Variants in MOK observed in about 807,000 individuals in gnomAD.
MOK encodes the protein MOK protein kinase, also known as MAPK/MAK/MRK overlapping kinase.
MOK carries 59 observed loss-of-function variants against 54.2 expected under a neutral mutation model. That is an observed-to-expected ratio of 1.09 (90% confidence interval 0.88 to 1.35). The LOEUF (loss-of-function observed/expected upper bound fraction) is 1.35, where lower values mean the gene tolerates loss of function less well. Among genes scored for constraint, MOK ranks in the 40% most tolerant of loss-of-function variants. The pLI is 0.00. For missense variants in MOK, 517 were observed against 526.2 expected, an observed-to-expected ratio of 0.98 and a Z score of 0.17; for synonymous variants, 210 against 202.7, an observed-to-expected ratio of 1.04 and a Z score of -0.31.
intron 2 of MOK, among the ~76,000 whole-genome samples, chr14:102,273,777 A>G (rs970848141): frequency 1.8e-4 from 27 of 152,188 alleles, no homozygotes; most frequent in Middle Eastern, 6.8e-3. Flanking sequence ...ACAAGAGCAA[A>G]ACTCCGTCTC....
In MOK at chr14:102,251,696, G is replaced by A. The variant is rs1042924827; in HGVS notation, c.411+60C>T. 6.9e-5 allele frequency: 95 copies of A among 1,372,064 alleles called. No individual in the cohort carries two copies. In the South Asian group the frequency reaches 8.0e-4, roughly 12 times the overall value. The allele number at this position is 1,372,064 out of a possible 1,614,324, so 85.0% of individuals were successfully genotyped here. A position where few individuals can be genotyped will look rare whatever the true frequency, so the allele number is the denominator to read the frequency against. On this transcript the variant is annotated intron_variant, in intron 6 of 11. Coordinates refer to ENST00000361847, the MANE Select transcript of MOK (RefSeq NM_014226.3). ...CTCTGGTAGGAGGAGAAAACCTTTC[G>A]GGAAAGATTTTCTATTCAGCTTTTA...
chr14:102,301,551 A>AG (rs1361341547), intron 1 of MOK, among the ~76,000 whole-genome samples: 1 of 152,122 alleles, frequency 6.6e-6, no homozygotes, highest in African/African-American at 2.4e-5. Flanking sequence ...TCTGACCCCA[A>AG]GCTATGGATC....
intron 2 of MOK, among the ~76,000 whole-genome samples, chr14:102,280,013 CA>C (rs1304442746): frequency 1.3e-5 from 2 of 151,826 alleles, no homozygotes; most frequent in Non-Finnish European, 2.9e-5. Context: ...TCACATTCCT[CA>C]CACCACCCAC....
At chr14:102,286,960 C>G (rs1358338513) in intron 1 of MOK, among the ~76,000 whole-genome samples, 1 of 150,976 alleles carries the variant, frequency 6.6e-6, no homozygotes, top group Non-Finnish European at 1.5e-5. Context: ...TCCTTAAAAA[C>G]TATACACACA....
At chr14:102,281,761 C>T (rs1356447655) in intron 2 of MOK, among the ~76,000 whole-genome samples, 8 of 151,794 alleles carry the variant, frequency 5.3e-5, no homozygotes, top group Admixed American at 1.3e-4. Flanking sequence ...TCTTTAGATA[C>T]GGGATAATCA....
At chr14:102,221,433 G>A (rs1017484583), downstream of MOK, among the ~76,000 whole-genome samples, 8 of 152,190 alleles carry the variant, frequency 5.3e-5, no homozygotes, top group African/African-American at 1.7e-4. The surrounding 1 kb of genome is among the most constrained non-coding windows in gnomAD (Gnocchi z 4.8). Context: ...GACTGTCTGC[G>A]GCAGAAGTGG....
At chr14:102,261,406 AAAAAAAAAAAAAATATATAT>A (rs2067403897) in intron 4 of MOK, among the ~76,000 whole-genome samples, 3 of 78,428 alleles carry the variant, frequency 3.8e-5, no homozygotes, top group African/African-American at 1.6e-4. Context: ...AAAAAAAAAA[AAAAAAAAAAAAAATATATAT>A]ATATATATAT....
rs765084502 is a variant in MOK, at chr14:102,230,343, C to T, written c.982-686G>A. The T allele has an allele frequency of 1.3e-5, 2 of 152,082 alleles. No homozygotes were observed. The highest frequency in any genetic ancestry group is 2.9e-5 in the Non-Finnish European group (2 of 68,032). 9.4% of individuals were successfully genotyped at this position (152,082 alleles called of 1,614,324 possible). A position where few individuals can be genotyped will look rare whatever the true frequency, so the allele number is the denominator to read the frequency against. On this transcript the variant is annotated intron_variant, in intron 10 of 11. Coordinates refer to ENST00000361847, the MANE Select transcript of MOK (RefSeq NM_014226.3). This position sits in a 1 kb window ranked among gnomAD's most constrained non-coding sequence, Gnocchi z 4.1. ...TACAGGTGTGAGCCACCGCACCCACCTGGTTTTTATTTTTAATGACTGAAA... is the reference window on the plus strand; with the variant it reads ...TACAGGTGTGAGCCACCGCACCCACTTGGTTTTTATTTTTAATGACTGAAA...
At chr14:102,289,684 T>C (rs2070534558) in intron 1 of MOK, among the ~76,000 whole-genome samples, 1 of 151,958 alleles carries the variant, frequency 6.6e-6, no homozygotes, top group African/African-American at 2.4e-5. Context: ...GAGATGGGGT[T>C]TCACCATGTT....
chr14:102,238,993 C>T lies in MOK; in HGVS notation c.591-5204G>A, dbSNP rs2065462359. Among the ~76,000 whole-genome samples, 1 of 152,172 alleles carries T rather than the reference C, an allele frequency of 6.6e-6. No individual in the cohort carries two copies. Among genetic ancestry groups the T allele is most frequent in the Non-Finnish European group, 1.5e-5 (1 of 68,020 alleles). ...GACTACTTCTCACTCTTATAGACAT[C>T]TTCTCTGGGTGGGTGGAGGCATTTC... On this transcript the variant is annotated intron_variant, in intron 7 of 11. Coordinates refer to ENST00000361847, the MANE Select transcript of MOK (RefSeq NM_014226.3). The surrounding 1 kb of genome is among the most constrained non-coding windows in gnomAD (Gnocchi z 4.8).
At chr14:102,222,870 G>C (rs767184163), downstream of MOK, 1 of 1,614,222 alleles carries the variant, frequency 6.2e-7, no homozygotes, top group Non-Finnish European at 8.5e-7. This position sits in a 1 kb window ranked among gnomAD's most constrained non-coding sequence, Gnocchi z 4.4. Context: ...TCTCCAGGTG[G>C]AACTGTAGTG....
chr14:102,246,930 C>A (rs879424370), intron 7 of MOK, among the ~76,000 whole-genome samples: 50 of 152,166 alleles, frequency 3.3e-4, no homozygotes, highest in Non-Finnish European at 6.8e-4. Flanking sequence ...AGACTACTCT[C>A]AAAGCCACCA....
At chr14:102,285,474 A>C (rs932673358) in intron 1 of MOK, among the ~76,000 whole-genome samples, 2 of 152,224 alleles carry the variant, frequency 1.3e-5, no homozygotes, top group Non-Finnish European at 2.9e-5. Flanking sequence ...ATTTGAACAA[A>C]CCATCGGTAA....
rs2065267268 is a variant in MOK at position 102,236,891 on chromosome 14, G to A, written c.591-3102C>T. On this transcript the variant is annotated intron_variant, in intron 7 of 11. Coordinates refer to ENST00000361847, the MANE Select transcript of MOK (RefSeq NM_014226.3). The surrounding 1 kb of genome is among the most constrained non-coding windows in gnomAD (Gnocchi z 4.5). ...CATCCTCCTGGTTAAAAAATCAGAC[G>A]GCTCATACCGACTCCTGCAAGACCT... is the stretch of plus-strand genomic sequence containing the variant. 1.3e-5 allele frequency among the ~76,000 whole-genome samples: 2 copies of A among 152,022 alleles called. No individual in the cohort carries two copies. Among genetic ancestry groups the A allele is most frequent in the African/African-American group, 2.4e-5 (1 of 41,390 alleles).
At chr14:102,233,411 T>G in intron 8 of MOK, 1 of 395,682 alleles carries the variant, frequency 2.5e-6, no homozygotes, top group South Asian at 2.8e-5. Flanking sequence ...AAGTCCTGTT[T>G]AAATTACTCA....
At chr14:102,216,466 G>C in the MOK span, among the ~76,000 whole-genome samples, 1 of 152,088 alleles carries the variant, frequency 6.6e-6, no homozygotes, top group African/African-American at 2.4e-5. Flanking sequence ...TAATTTTTGT[G>C]TATTTTTATT....
intron 1 of MOK, 77 bp downstream of exon 1, chr14:102,304,885 C>T: frequency 1.3e-6 from 2 of 1,501,250 alleles, no homozygotes; most frequent in Admixed American, 2.0e-5. Context: ...GCCCCTCAAG[C>T]TCCTCAAGCT....
intron 1 of MOK, among the ~76,000 whole-genome samples, chr14:102,285,082 C>CAAAAA (rs34015643): frequency 3.0e-5 from 2 of 65,988 alleles, no homozygotes; most frequent in Admixed American, 1.7e-4. Context: ...GATGTCATCT[C>CAAAAA]AAAAAAAAAA....
In MOK at chr14:102,231,907, C is replaced by T; in HGVS notation, c.867-86G>A. The T allele has an allele frequency of 8.8e-7, 1 of 1,129,962 alleles. No individual in the cohort carries two copies. The highest frequency in any genetic ancestry group is 2.0e-5 in the Admixed American group (1 of 50,462). 70.0% of individuals were successfully genotyped at this position (1,129,962 alleles called of 1,614,324 possible). A position where few individuals can be genotyped will look rare whatever the true frequency, so the allele number is the denominator to read the frequency against. On this transcript the variant is annotated intron_variant, in intron 9 of 11. Transcript: ENST00000361847. This position sits in a 1 kb window ranked among gnomAD's most constrained non-coding sequence, Gnocchi z 4.4. ...ACTGGCTTCTTTGTCTCCAATTTGT[C>T]TACTGTGTGAGTTGTCACTAGCTCT...
Sources: allele counts gnomAD v4.1 joint callset (sites outside exome capture counted in the v4.1 genomes callset), GRCh38; gene constraint gnomAD v4.1.1; non-coding constraint Gnocchi (gnomAD v3.1); transcripts MANE v1.5; gene names NCBI Gene and HGNC (gene_info 2026-07-23, HGNC 2026-07-21).